The following HEATR1 variants were observed in gnomAD, a reference collection of about 807,000 sequenced individuals.
The protein encoded by HEATR1 is HEAT repeat-containing protein 1.
In HEATR1, 77 loss-of-function variants were observed where a neutral mutation model predicts 248.2. The observed-to-expected ratio is 0.31, with a 90% CI of 0.26 to 0.37. The LOEUF is 0.37. HEATR1 is among the 10% of genes least tolerant of loss of function. The probability of loss-of-function intolerance (pLI) is 1.00; values close to 1 mark genes in which losing one functional copy is unlikely to be tolerated. For missense variants in HEATR1, 2,420 were observed against 2,504.9 expected, an observed-to-expected ratio of 0.97 and a Z score of 0.72; for synonymous variants, 897 against 923.1, an observed-to-expected ratio of 0.97 and a Z score of 0.51.
intron 11 of HEATR1, among the ~76,000 whole-genome samples, chr1:236,591,549 G>A (rs1190854550): frequency 6.6e-6 from 1 of 152,032 alleles, no homozygotes; most frequent in Non-Finnish European, 1.5e-5. Context: ...AAAGCTTTAG[G>A]CTTGAATCAC....
rs770138637 is a variant in HEATR1 at position 236,557,177 on chromosome 1, G to A, written c.5355+18C>T. 24 of 1,612,382 alleles carry A rather than the reference G, an allele frequency of 1.5e-5. No homozygotes were observed. In the African/African-American group the frequency reaches 2.3e-4, roughly 15 times the overall value. On this transcript the variant is annotated intron_variant, in intron 37 of 44. Coordinates refer to ENST00000366582, the MANE Select transcript of HEATR1 (RefSeq NM_018072.6). The stretch of plus-strand genomic sequence containing the variant: ...CCCCAGCCACCCTGCGTAGCATGTC[G>A]TGGCTATCGTGGCTCACCTGGGAGA...
chr1:236,566,949 T>C (rs1317943042), intron 29 of HEATR1, 73 bp from the exon 30 acceptor site: 2 of 985,720 alleles, frequency 2.0e-6, no homozygotes, highest in Non-Finnish European at 1.6e-6. Context: ...GTGAACAAGA[T>C]AAGGCTTTTA....
chr1:236,582,471 C>T (rs763810689), intron 19 of HEATR1, among the ~76,000 whole-genome samples: 63 of 150,112 alleles, frequency 4.2e-4, no homozygotes, highest in Non-Finnish European at 8.0e-4. Context: ...GGTGTGATCT[C>T]GGCTCACTGC....
intron 43 of HEATR1, chr1:236,552,379 C>G (rs760412468): frequency 9.1e-6 from 2 of 219,296 alleles, no homozygotes; most frequent in Non-Finnish European, 1.8e-5. Context: ...ATAATCTCTT[C>G]CTTTAAAAAA....
chr1:236,592,091 C>T lies in HEATR1; in HGVS notation c.1324G>A (p.Val442Ile), dbSNP rs956227797. The T allele has an allele frequency of 3.2e-6, 5 of 1,584,478 alleles. No homozygotes were observed. The highest frequency in any genetic ancestry group is 4.3e-6 in the Non-Finnish European group (5 of 1,157,008). The part of the protein sequence containing the change: ...LESKYPRTLD[V>I]VLEEHLKEIA... ...TCCTTTAAGTGTTCCTCTAATACAA[C>T]ATCTAATGTTCTGGGGTATCTGGGA... is the stretch of plus-strand genomic sequence containing the variant. The change falls in exon 11 of 45, where the codon GTT becomes ATT. Residue 442 changes from valine (V) to isoleucine (I), a missense_variant. Transcript: ENST00000366582.
intron 13 of HEATR1, among the ~76,000 whole-genome samples, 192 bp from the exon 14 acceptor site, chr1:236,587,682 T>C (rs971775501): frequency 6.6e-5 from 10 of 152,266 alleles, no homozygotes; most frequent in South Asian, 2.1e-4. Flanking sequence ...CCAAGGTATT[T>C]GCTATTGATA....
intron 32 of HEATR1, among the ~76,000 whole-genome samples, chr1:236,561,723 C>T (rs1398565472): frequency 2.0e-5 from 3 of 152,170 alleles, no homozygotes; most frequent in Non-Finnish European, 2.9e-5. Flanking sequence ...CTACATATCA[C>T]GGAACAACAT....
intron 16 of HEATR1, 69 bp from the exon 17 acceptor site, chr1:236,585,285 T>A: frequency 7.7e-7 from 1 of 1,298,862 alleles, no homozygotes; most frequent in Non-Finnish European, 1.1e-6. Context: ...TCAACTCAGG[T>A]CTATCTAGGT....
At position 236,597,880 on chromosome 1, in the gene HEATR1, T is replaced by C; in HGVS notation, c.601A>G (p.Lys201Glu). 6.2e-7 allele frequency: 1 copy of C among 1,607,458 alleles called. No homozygotes were observed. Residue 201 changes from lysine to glutamate, a missense_variant and splice_region_variant, in exon 5 of 45, where the codon AAG (lysine) becomes GAG (glutamate). Lys to Glu is a moderately conservative substitution (Grantham distance 56). Transcript: ENST00000366582. The stretch of plus-strand genomic sequence containing the variant: ...TACTCATGAAACAGACTGCTCACCT[T>C]CACAGATTTTGTCACCAAACTGCAA... ...FICSLVTKSV[K>E]VFAEYPGSSA...
At chr1:236,583,638 C>T (rs1296725651) in intron 17 of HEATR1, among the ~76,000 whole-genome samples, 3 of 152,026 alleles carry the variant, frequency 2.0e-5, no homozygotes, top group Non-Finnish European at 4.4e-5. Context: ...AGGTGCCCGC[C>T]ATCATGCCTG....
chr1:236,559,312 T>C (rs192344127), intron 34 of HEATR1, among the ~76,000 whole-genome samples, 177 bp from the exon 35 acceptor site: 34 of 152,300 alleles, frequency 2.2e-4, no homozygotes, highest in African/African-American at 6.7e-4. Context: ...CCACACATTA[T>C]CGAACAAAAC....
chr1:236,597,015 A>G (rs1254948841), intron 5 of HEATR1, 39 bp from the exon 6 acceptor site: 1 of 1,593,468 alleles, frequency 6.3e-7, no homozygotes, highest in East Asian at 2.2e-5. Context: ...TTTAACAGTG[A>G]AAGGGAGGTA....
At position 236,597,866 on chromosome 1, in the gene HEATR1, C is replaced by CA; in HGVS notation, c.603+11dup. The CA allele has an allele frequency of 1.3e-6, 2 of 1,570,164 alleles. No homozygotes were observed. The highest frequency in any genetic ancestry group is 3.4e-4 in the Middle Eastern group (2 of 5,960). On this transcript the variant is annotated intron_variant, in intron 5 of 44. Coordinates refer to ENST00000366582, the MANE Select transcript of HEATR1 (RefSeq NM_018072.6). ...TTCATAAAATTATATACTCATGAAA[C>CA]AGACTGCTCACCTTCACAGATTTTG...
chr1:236,580,738 A>T (rs1253243), intron 20 of HEATR1, among the ~76,000 whole-genome samples: 23,344 of 151,054 alleles, frequency 0.15, 1,812 homozygotes, highest in Middle Eastern at 0.26. Context: ...GCTGGTCTTG[A>T]ACTCTTGGCC....
intron 30 of HEATR1, among the ~76,000 whole-genome samples, 172 bp downstream of exon 30, chr1:236,566,474 C>T (rs995850720): frequency 8.5e-5 from 13 of 152,246 alleles, no homozygotes; most frequent in African/African-American, 2.4e-4. Context: ...GTGCTATGGG[C>T]TCTGAATGCA....
At chr1:236,556,014 C>T (rs1477410068) in intron 38 of HEATR1, 75 bp from the exon 39 acceptor site, 12 of 1,605,878 alleles carry the variant, frequency 7.5e-6, no homozygotes, top group Non-Finnish European at 9.4e-6. Flanking sequence ...TTTTTAAAAA[C>T]TAAATCTTCT....
chr1:236,565,286 G>A (rs1663238946), intron 31 of HEATR1, among the ~76,000 whole-genome samples: 2 of 152,132 alleles, frequency 1.3e-5, no homozygotes, highest in Admixed American at 6.5e-5. Flanking sequence ...GAATTGTAGA[G>A]AACTAAGAAC....
chr1:236,566,551 T>A, intron 30 of HEATR1, 95 bp downstream of exon 30: 1 of 887,356 alleles, frequency 1.1e-6, no homozygotes. Flanking sequence ...ATAACACACA[T>A]TAGGCATCAT....
At chr1:236,592,151 A>G in intron 10 of HEATR1, 41 bp from the exon 11 acceptor site, 1 of 1,055,250 alleles carries the variant, frequency 9.5e-7, no homozygotes, top group Non-Finnish European at 1.4e-6. Flanking sequence ...TTCTTAATAA[A>G]TTTATTAATC....
Sources: gnomAD v4.1 joint callset for allele counts (sites outside exome capture counted in the v4.1 genomes callset) on GRCh38, gnomAD v4.1.1 for gene constraint, MANE v1.5 for transcripts, NCBI Gene and HGNC (gene_info 2026-07-23, HGNC 2026-07-21) for gene names.